TERB1: variants seen among roughly 807,000 people sequenced by gnomAD.
TERB1 encodes telomere repeat binding bouquet formation protein 1, also known as telomere repeats-binding bouquet formation protein 1.
In TERB1, 63 loss-of-function variants were observed where a neutral mutation model predicts 92.3. The observed-to-expected ratio is 0.68, with a 90% confidence interval of 0.56 to 0.84. The LOEUF (loss-of-function observed/expected upper bound fraction) is 0.84, where lower values mean the gene tolerates loss of function less well. Ranked by LOEUF, TERB1 falls within the 40% of genes least tolerant of loss-of-function variation. TERB1 has a pLI of 0.00. For missense variants in TERB1, 709 were observed against 843.7 expected (o/e 0.84, Z 1.98); for synonymous variants, 252 against 283.9 (o/e 0.89, Z 1.13).
chr16:66,791,050 C>T (rs956521343), intron 3 of TERB1, 31 bp from the exon 4 acceptor site: 2 of 1,270,458 alleles, frequency 1.6e-6, no homozygotes, highest in African/African-American at 3.0e-5. Context: ...TATTTTAAAC[C>T]AAAAGGTTTA....
chr16:66,768,223 G>T, intron 14 of TERB1, 55 bp from the exon 15 acceptor site: 1 of 1,306,900 alleles, frequency 7.7e-7, no homozygotes, highest in Non-Finnish European at 1.1e-6. Flanking sequence ...TTGGTGTGCG[G>T]ACCAATGTTT....
intron 9 of TERB1, among the ~76,000 whole-genome samples, chr16:66,781,036 C>T: frequency 6.6e-6 from 1 of 152,028 alleles, no homozygotes; most frequent in East Asian, 1.9e-4. Flanking sequence ...TCTCTGATAA[C>T]TAATTATTTC....
chr16:66,758,612 A>G lies in TERB1; in HGVS notation c.1996+161T>C, dbSNP rs1011216743. 3.3e-5 allele frequency: 17 copies of G among 513,042 alleles called. No homozygotes were observed. In the East Asian group the frequency reaches 6.5e-4, roughly 20 times the overall value. The allele number at this position is 513,042 out of a possible 1,614,324, so 31.8% of individuals were successfully genotyped here. A position where few individuals can be genotyped will look rare whatever the true frequency, so the allele number is the denominator to read the frequency against. The stretch of plus-strand genomic sequence containing the variant: ...AAAAACCAGCAGGGTGTGGTGGCAC[A>G]TGTCTGTAATCCCAGCTACTTAGGA... On this transcript the variant is annotated intron_variant, in intron 18 of 18. Coordinates refer to ENST00000433154, the MANE Select transcript of TERB1 (RefSeq NM_001136505.2).
At chr16:66,776,646 A>G (rs1423741721) in intron 11 of TERB1, among the ~76,000 whole-genome samples, 1 of 151,986 alleles carries the variant, frequency 6.6e-6, no homozygotes, top group Non-Finnish European at 1.5e-5. Context: ...AGGGGTAGAG[A>G]GGAAAGTGGA....
chr16:66,775,262 GAGGACAATGT>G lies in TERB1; in HGVS notation c.986-29_986-20del. 6.5e-7 allele frequency: 1 copy of G among 1,541,386 alleles called. No individual in the cohort carries two copies. The highest frequency in any genetic ancestry group is 8.8e-7 in the Non-Finnish European group (1 of 1,138,214). The stretch of plus-strand genomic sequence containing the variant: ...TTTTCCTCTGGAAAACATAAACAAA[GAGGACAATGT>G]TTTTTATCATAAACTATCTATATGA... On this transcript the variant is annotated intron_variant, in intron 11 of 18. Coordinates refer to ENST00000433154, the MANE Select transcript of TERB1 (RefSeq NM_001136505.2).
intron 16 of TERB1, among the ~76,000 whole-genome samples, chr16:66,760,093 T>C (rs1316869742): frequency 3.8e-5 from 4 of 104,908 alleles, no homozygotes; most frequent in Non-Finnish European, 7.1e-5. Context: ...AGATCACGAC[T>C]GCACTCCAAC....
intron 12 of TERB1, among the ~76,000 whole-genome samples, chr16:66,773,037 T>C (rs2018480014): frequency 6.6e-6 from 1 of 151,964 alleles, no homozygotes; most frequent in Admixed American, 6.6e-5. Flanking sequence ...TTAAAGTAGT[T>C]AGTTTTTTAG....
intron 9 of TERB1, among the ~76,000 whole-genome samples, chr16:66,784,295 A>G (rs888056027): frequency 1.3e-5 from 2 of 151,068 alleles, no homozygotes; most frequent in Non-Finnish European, 2.9e-5. Flanking sequence ...TTGGTTGGCT[A>G]ATTTCTTAGG....
Position 66,754,656 on chromosome 16 carries a change from T to C in TERB1, c.*320A>G. 1 of 255,940 alleles carries C rather than the reference T, an allele frequency of 3.9e-6. No individual in the cohort carries two copies. The highest frequency in any genetic ancestry group is 7.4e-6 in the Non-Finnish European group (1 of 135,486). 15.9% of individuals were successfully genotyped at this position (255,940 alleles called of 1,614,324 possible). A position where few individuals can be genotyped will look rare whatever the true frequency, so the allele number is the denominator to read the frequency against. Reference sequence around the variant, plus strand: ...ATCCAAATGTCCCACATAGTATTTATTGCAATATAATGTCAAATAACATTT... The same window carrying C: ...ATCCAAATGTCCCACATAGTATTTACTGCAATATAATGTCAAATAACATTT... On this transcript the variant is annotated 3_prime_UTR_variant, in exon 19 of 19. Transcript: ENST00000433154.
chr16:66,783,014 G>A (rs944673168), intron 9 of TERB1, among the ~76,000 whole-genome samples: 5 of 120,768 alleles, frequency 4.1e-5, no homozygotes, highest in African/African-American at 2.3e-4. Flanking sequence ...CATTACACCT[G>A]GCTAGTTTTT....
At chr16:66,766,231 T>A (rs546229661) in intron 16 of TERB1, among the ~76,000 whole-genome samples, 6 of 152,160 alleles carry the variant, frequency 3.9e-5, no homozygotes, top group South Asian at 4.1e-4. Context: ...AAGGAGTTAA[T>A]GAATAGAATG....
intron 3 of TERB1, among the ~76,000 whole-genome samples, chr16:66,796,024 TAGGAGTG>T (rs1270786620): frequency 6.6e-6 from 1 of 152,170 alleles, no homozygotes; most frequent in Non-Finnish European, 1.5e-5. Flanking sequence ...GCTGGAATGA[TAGGAGTG>T]AGCCACCACA....
chr16:66,774,862 A>C (rs574801708), intron 12 of TERB1, among the ~76,000 whole-genome samples: 105 of 151,632 alleles, frequency 6.9e-4, no homozygotes, highest in African/African-American at 2.3e-3. Flanking sequence ...AATTTTTTCT[A>C]TATATATATT....
chr16:66,795,233 T>C (rs1194498922), intron 3 of TERB1, among the ~76,000 whole-genome samples: 5 of 152,100 alleles, frequency 3.3e-5, no homozygotes, highest in Non-Finnish European at 5.9e-5. Flanking sequence ...ATTAGGCAAA[T>C]GCAAATCAAA....
At chr16:66,769,371 A>T (rs2145116670) in intron 14 of TERB1, among the ~76,000 whole-genome samples, 1 of 152,262 alleles carries the variant, frequency 6.6e-6, no homozygotes, top group African/African-American at 2.4e-5. Context: ...ATGTAGCAGC[A>T]TCCTCTTCAT....
chr16:66,794,108 C>A (rs1050777562), intron 3 of TERB1, among the ~76,000 whole-genome samples: 1 of 151,820 alleles, frequency 6.6e-6, no homozygotes, highest in African/African-American at 2.4e-5. Flanking sequence ...CTTTTCTTTT[C>A]TTTTCTTTTG....
chr16:66,785,679 A>T, intron 9 of TERB1, 107 bp downstream of exon 9: 1 of 1,190,380 alleles, frequency 8.4e-7, no homozygotes, highest in East Asian at 2.6e-5. Context: ...CATCCAAAAT[A>T]ACCCAAATTA....
In TERB1 at chr16:66,755,035, C is replaced by G; in HGVS notation, c.2125G>C (p.Val709Leu). Residue 709 changes from valine to leucine, a missense_variant, in exon 19 of 19, where the codon GTG (valine) becomes CTG (leucine). Coordinates refer to ENST00000433154, the MANE Select transcript of TERB1 (RefSeq NM_001136505.2). ...SFPFQQGRKA[V>L]DLAHKYHKLT... ...TTGTGGTATTTGTGAGCAAGGTCCACAGCCTTCCGTCCTTGCTGAAAGGGG... is the reference window on the plus strand; with the variant it reads ...TTGTGGTATTTGTGAGCAAGGTCCAGAGCCTTCCGTCCTTGCTGAAAGGGG... The G allele has an allele frequency of 2.6e-6, 4 of 1,551,686 alleles. No individual in the cohort carries two copies. The highest frequency in any genetic ancestry group is 1.7e-4 in the Middle Eastern group (1 of 5,992).
At chr16:66,777,166 T>C (rs2018562125) in intron 11 of TERB1, 37 bp downstream of exon 11, 18 of 1,483,246 alleles carry the variant, frequency 1.2e-5, no homozygotes, top group Non-Finnish European at 1.5e-5. Flanking sequence ...TCCGCTTTAC[T>C]ATTTTAATAA....
Sources: gnomAD v4.1 joint callset for allele counts (sites outside exome capture counted in the v4.1 genomes callset) on GRCh38, gnomAD v4.1.1 for gene constraint, MANE v1.5 for transcripts, NCBI Gene and HGNC (gene_info 2026-07-23, HGNC 2026-07-21) for gene names.